STAU1: variants seen among roughly 807,000 people sequenced by gnomAD.
The protein encoded by STAU1 is double-stranded RNA-binding protein Staufen homolog 1.
STAU1 carries 13 observed loss-of-function variants against 62.9 expected under a neutral mutation model. The observed-to-expected ratio is 0.21, with a 90% CI of 0.13 to 0.33. The LOEUF (loss-of-function observed/expected upper bound fraction) is 0.33, where lower values mean the gene tolerates loss of function less well. STAU1 is among the 10% of genes least tolerant of loss of function. The pLI, the probability that STAU1 is intolerant of heterozygous loss-of-function variation, is 1.00. For synonymous variants in STAU1, 269 were observed against 265.1 expected, an observed-to-expected ratio of 1.01 and a Z score of -0.14; for missense variants, 571 against 712.1, an observed-to-expected ratio of 0.80 and a Z score of 2.25.
At chr20:49,200,834 A>G in the STAU1 span, among the ~76,000 whole-genome samples, 5 of 151,684 alleles carry the variant, frequency 3.3e-5, no homozygotes, top group African/African-American at 1.2e-4. Flanking sequence ...CAGGAGTTTG[A>G]GACCAGCCTG....
chr20:49,198,896 G>C, the STAU1 span, among the ~76,000 whole-genome samples: 1 of 152,122 alleles, frequency 6.6e-6, no homozygotes, highest in East Asian at 1.9e-4. Context: ...CCAGGAGGCA[G>C]AGGTTGCAGT....
intron 9 of STAU1, 61 bp downstream of exon 9, chr20:49,119,920 GC>G: frequency 1.3e-6 from 2 of 1,565,310 alleles, no homozygotes. Context: ...CCCTGGAGGT[GC>G]CCCAGTTCCC....
chr20:49,169,982 G>C (rs1182431046), intron 2 of STAU1, among the ~76,000 whole-genome samples: 2 of 152,208 alleles, frequency 1.3e-5, no homozygotes, highest in Non-Finnish European at 2.9e-5. Flanking sequence ...CATAAAAACA[G>C]AATCTTGCTT....
In STAU1 at chr20:49,158,896, C is replaced by T. The variant is rs996958878; in HGVS notation, c.206-4825G>A. ...CCAGCCTGGGCCACAGAATGAGACTCCATCTCAAAAATAAATAAATAAATA... is the reference window on the plus strand; with the variant it reads ...CCAGCCTGGGCCACAGAATGAGACTTCATCTCAAAAATAAATAAATAAATA... On this transcript the variant is annotated intron_variant, in intron 3 of 13. Transcript: ENST00000371856. 24 of 787,434 alleles carry T rather than the reference C, an allele frequency of 3.0e-5. No homozygotes were observed. In the African/African-American group the frequency reaches 3.9e-4, roughly 13 times the overall value. The allele number at this position is 787,434 out of a possible 1,614,324, so 48.8% of individuals were successfully genotyped here.
At chr20:49,212,715 T>C in the STAU1 span, among the ~76,000 whole-genome samples, 1 of 144,730 alleles carries the variant, frequency 6.9e-6, no homozygotes, top group Admixed American at 7.3e-5. Flanking sequence ...GTTCAAGCAA[T>C]TCTCCTGAGT....
At chr20:49,125,071 TAAAAAAA>T (rs11473077) in intron 6 of STAU1, among the ~76,000 whole-genome samples, 1 of 83,852 alleles carries the variant, frequency 1.2e-5, no homozygotes, top group Non-Finnish European at 2.3e-5. Flanking sequence ...ACACATTAAG[TAAAAAAA>T]AAAAAAAAAA....
chr20:49,191,552 G>A (rs1275611337), upstream of STAU1, among the ~76,000 whole-genome samples: 1 of 152,088 alleles, frequency 6.6e-6, no homozygotes, highest in Non-Finnish European at 1.5e-5. Flanking sequence ...TTACAGCCTT[G>A]CTTATCTCTG....
chr20:49,156,990 C>T (rs2093369469), intron 3 of STAU1, among the ~76,000 whole-genome samples: 1 of 151,994 alleles, frequency 6.6e-6, no homozygotes, highest in Non-Finnish European at 1.5e-5. Flanking sequence ...AATTCTCCTG[C>T]CTCAGTCTCC....
At chr20:49,177,654 G>C (rs2146535977) in intron 1 of STAU1, among the ~76,000 whole-genome samples, 1 of 151,512 alleles carries the variant, frequency 6.6e-6, no homozygotes. Flanking sequence ...ACTCCAGCCT[G>C]GATGACAGAG....
intron 8 of STAU1, 55 bp from the exon 9 acceptor site, chr20:49,120,183 A>T: frequency 6.4e-7 from 1 of 1,556,958 alleles, no homozygotes; most frequent in Non-Finnish European, 8.7e-7. Flanking sequence ...AATAACAACC[A>T]GGCAGGAATT....
At chr20:49,146,289 T>C (rs962815270) in intron 5 of STAU1, among the ~76,000 whole-genome samples, 3 of 151,880 alleles carry the variant, frequency 2.0e-5, no homozygotes, top group Admixed American at 6.6e-5. Flanking sequence ...AATAAACAAA[T>C]GGGTCTCTAA....
At chr20:49,192,254 G>T (rs1396521938), upstream of STAU1, among the ~76,000 whole-genome samples, 4 of 150,940 alleles carry the variant, frequency 2.7e-5, no homozygotes, top group Admixed American at 6.6e-5. Context: ...GCTGAGGCAG[G>T]AGAATGGCGT....
intron 1 of STAU1, among the ~76,000 whole-genome samples, chr20:49,174,902 C>G (rs1051198737): frequency 6.7e-6 from 1 of 149,034 alleles, no homozygotes; most frequent in Non-Finnish European, 1.5e-5. Flanking sequence ...CCACTGCACT[C>G]CAGCCTGGGT....
chr20:49,115,732 A>C (rs747908925), intron 13 of STAU1, 50 bp downstream of exon 13: 2 of 1,486,008 alleles, frequency 1.3e-6, no homozygotes, highest in South Asian at 2.3e-5. Context: ...AACACAAACG[A>C]GGGGCAGCCT....
chr20:49,209,788 C>A, the STAU1 span, among the ~76,000 whole-genome samples: 2 of 151,922 alleles, frequency 1.3e-5, no homozygotes, highest in African/African-American at 2.4e-5. Context: ...GTGGCTCATG[C>A]CTGTAATCCC....
the STAU1 span, among the ~76,000 whole-genome samples, chr20:49,203,309 G>A: frequency 2.0e-5 from 3 of 152,080 alleles, no homozygotes; most frequent in Admixed American, 1.3e-4. Flanking sequence ...CCTTTAGTCC[G>A]AGCTATTAGG....
At chr20:49,190,769 C>T (rs2093830144), upstream of STAU1, among the ~76,000 whole-genome samples, 1 of 152,046 alleles carries the variant, frequency 6.6e-6, no homozygotes, top group African/African-American at 2.4e-5. Context: ...GCTGTGTGTT[C>T]TTGGTTCACA....
rs766173955 is a variant in STAU1, at chr20:49,118,109, T to TA, written c.1190-14dup. ...TCCTCTTTATTACCTGGGAGGGACA[T>TA]ACACGGTAAACACGAATCCACATCC... On this transcript the variant is annotated splice_polypyrimidine_tract_variant and intron_variant, in intron 10 of 13. Transcript: ENST00000371856. The TA allele has an allele frequency of 4.2e-5, 67 of 1,610,876 alleles. No homozygotes were observed. Among genetic ancestry groups the TA allele is most frequent in the Non-Finnish European group, 5.0e-5 (59 of 1,177,658 alleles).
At chr20:49,201,071 A>AAAAAAAAGAAGAAG in the STAU1 span, among the ~76,000 whole-genome samples, 22 of 104,610 alleles carry the variant, frequency 2.1e-4, no homozygotes, top group Admixed American at 7.2e-4. Context: ...AAAAAAAAAA[A>AAAAAAAAGAAGAAG]AAGAAGAAGA....
Sources: gnomAD v4.1 joint callset for allele counts (sites outside exome capture counted in the v4.1 genomes callset) on GRCh38, gnomAD v4.1.1 for gene constraint, MANE v1.5 for transcripts, NCBI Gene and HGNC (gene_info 2026-07-23, HGNC 2026-07-21) for gene names.